The following AKAP1 variants were observed in gnomAD, a reference collection of about 807,000 sequenced individuals.
The protein encoded by AKAP1 is A-kinase anchoring protein 1.
A neutral mutation model predicts 79.8 loss-of-function variants in AKAP1; 32 were observed. The observed-to-expected ratio is 0.40, with a 90% CI of 0.30 to 0.54. The LOEUF (loss-of-function observed/expected upper bound fraction) is 0.54, where lower values mean the gene tolerates loss of function less well. AKAP1 is among the 20% of genes least tolerant of loss of function. The pLI is 0.47. For missense variants in AKAP1, 961 were observed against 1,138.9 expected (o/e 0.84, Z 2.25); for synonymous variants, 416 against 466.7 (o/e 0.89, Z 1.40).
Position 57,120,859 on chromosome 17 carries a change from A to C in AKAP1, c.*535A>C, listed in dbSNP as rs1193016083. 1 of 152,810 alleles carries C rather than the reference A, an allele frequency of 6.5e-6. No individual in the cohort carries two copies. The highest frequency in any genetic ancestry group is 1.5e-5 in the Non-Finnish European group (1 of 68,146). 9.5% of individuals were successfully genotyped at this position (152,810 alleles called of 1,614,324 possible). On this transcript the variant is annotated 3_prime_UTR_variant, in exon 11 of 11. Transcript: ENST00000337714. ...ATAAACTTCATTTAGGTCTCTAAAC[A>C]CAGACTTTTTAAATTGCAACTGTAA...
intron 1 of AKAP1, among the ~76,000 whole-genome samples, chr17:57,102,967 C>A (rs1330037480): frequency 6.6e-6 from 1 of 152,066 alleles, no homozygotes; most frequent in African/African-American, 2.4e-5. Flanking sequence ...GTAGACCCAG[C>A]TACTCTGGAG....
Position 57,114,342 on chromosome 17 carries a change from T to C in AKAP1, c.2104-117T>C, listed in dbSNP as rs934579264. On this transcript the variant is annotated intron_variant, in intron 5 of 10. Transcript: ENST00000337714. ...CTACCTTCTGGGTGCCATGTTGTCT[T>C]GAGTTGCCCTTTTCAAAGATATGCT... 7 of 1,277,964 alleles carry C rather than the reference T, an allele frequency of 5.5e-6. No individual in the cohort carries two copies. The African/African-American group carries it at 8.8e-5, about 16-fold the overall frequency. The allele number at this position is 1,277,964 out of a possible 1,614,324, so 79.2% of individuals were successfully genotyped here.
Position 57,118,440 on chromosome 17 carries a change from G to T in AKAP1, c.2560G>T (p.Ala854Ser). 6.2e-7 allele frequency: 1 copy of T among 1,614,084 alleles called. No individual in the cohort carries two copies. The highest frequency in any genetic ancestry group is 8.5e-7 in the Non-Finnish European group (1 of 1,179,956). The change falls in exon 9 of 11, where the codon GCA becomes TCA. Residue 854 changes from alanine to serine, a missense_variant. Physicochemically the swap from Ala to Ser is moderately conservative, Grantham distance 99. Transcript: ENST00000337714. ...CATGAGCGAGATGACGGGGAATACA[G>T]CACTGCTTGCTCAGGTGTGTGGTTG... ...AAMSEMTGNTALLAQVTSYSP... is the reference protein window; with the variant it reads ...AAMSEMTGNTSLLAQVTSYSP...
At chr17:57,090,463 C>T (rs1303049236) in intron 1 of AKAP1, among the ~76,000 whole-genome samples, 1 of 148,884 alleles carries the variant, frequency 6.7e-6, no homozygotes, top group African/African-American at 2.5e-5. Context: ...TGGGCTGGGG[C>T]GTGCTCCCCA....
chr17:57,118,607 T>C (rs896513643), intron 9 of AKAP1, among the ~76,000 whole-genome samples, 153 bp downstream of exon 9: 3 of 152,210 alleles, frequency 2.0e-5, no homozygotes, highest in African/African-American at 7.2e-5. Flanking sequence ...TAGTCTGTTC[T>C]CACATTGCTG....
chr17:57,114,696 G>A (rs1427592641), intron 6 of AKAP1, 60 bp downstream of exon 6: 1 of 1,499,248 alleles, frequency 6.7e-7, no homozygotes, highest in African/African-American at 1.4e-5. Context: ...TTCTGCCCTG[G>A]ATCCTGATCA....
chr17:57,115,564 A>G (rs1915530298), intron 6 of AKAP1, among the ~76,000 whole-genome samples: 1 of 152,102 alleles, frequency 6.6e-6, no homozygotes, highest in African/African-American at 2.4e-5. Context: ...TGACTCCTTG[A>G]TCCTGGGTGG....
intron 7 of AKAP1, among the ~76,000 whole-genome samples, chr17:57,116,553 C>A (rs1229758522): frequency 1.3e-5 from 2 of 152,158 alleles, no homozygotes; most frequent in Non-Finnish European, 2.9e-5. Flanking sequence ...CACTTGAGTG[C>A]AGGAGTTCAA....
intron 1 of AKAP1, 86 bp downstream of exon 1, chr17:57,085,484 G>C (rs1042781416): frequency 3.3e-5 from 5 of 152,246 alleles, no homozygotes; most frequent in African/African-American, 1.2e-4. Flanking sequence ...TGAGGTGCAG[G>C]TGCAGGGTGC....
At chr17:57,118,954 T>G in intron 9 of AKAP1, 28 bp from the exon 10 acceptor site, 1 of 1,610,464 alleles carries the variant, frequency 6.2e-7, no homozygotes, top group East Asian at 2.2e-5. Context: ...AACCTAACCA[T>G]ATTATTCTTT....
At chr17:57,113,897 T>C (rs1366668811) in intron 5 of AKAP1, among the ~76,000 whole-genome samples, 1 of 152,136 alleles carries the variant, frequency 6.6e-6, no homozygotes, top group Non-Finnish European at 1.5e-5. Flanking sequence ...ACCTTGACCA[T>C]GGACCTGACC....
Position 57,107,039 on chromosome 17 carries a change from G to A in AKAP1, c.1575G>A (p.Ser525=). The part of the protein sequence containing the change: ...GLEDSCTETS[S]SPRDKAITPP... Reference sequence around the variant, plus strand: ...AAGACTCTTGCACAGAGACCAGCTCGAGCCCCAGGGACAAGGCCATCACCC... The same window carrying A: ...AAGACTCTTGCACAGAGACCAGCTCAAGCCCCAGGGACAAGGCCATCACCC... Residue 525 remains serine, a synonymous_variant, in exon 2 of 11, where the codon TCG becomes TCA. Transcript: ENST00000337714. 3 of 1,614,090 alleles carry A rather than the reference G, an allele frequency of 1.9e-6. No homozygotes were observed. The highest frequency in any genetic ancestry group is 2.2e-5 in the East Asian group (1 of 44,876).
intron 3 of AKAP1, 36 bp downstream of exon 3, chr17:57,110,194 AG>A: frequency 6.2e-7 from 1 of 1,610,302 alleles, no homozygotes; most frequent in Non-Finnish European, 8.5e-7. Flanking sequence ...TTCTGTGGTA[AG>A]CCCAAAGCTC....
At chr17:57,102,551 T>G (rs1243181439) in intron 1 of AKAP1, among the ~76,000 whole-genome samples, 1 of 151,600 alleles carries the variant, frequency 6.6e-6, no homozygotes, top group African/African-American at 2.4e-5. Flanking sequence ...CTGCAACCTC[T>G]GCCTCCCGGG....
chr17:57,103,908 C>G (rs1914679732), intron 1 of AKAP1, among the ~76,000 whole-genome samples: 1 of 152,182 alleles, frequency 6.6e-6, no homozygotes, highest in Non-Finnish European at 1.5e-5. Context: ...CTTTACATGT[C>G]TGTTGCCTTC....
chr17:57,107,232 A>G, intron 2 of AKAP1, 54 bp downstream of exon 2: 2 of 1,532,440 alleles, frequency 1.3e-6, no homozygotes, highest in South Asian at 1.3e-5. Context: ...TATTTCTTGG[A>G]GAAAGGCTGC....
At chr17:57,109,740 C>T (rs1915117575) in intron 2 of AKAP1, among the ~76,000 whole-genome samples, 1 of 152,216 alleles carries the variant, frequency 6.6e-6, no homozygotes, top group Non-Finnish European at 1.5e-5. Context: ...CTTCCAAGTT[C>T]ACCACTTGTG....
intron 5 of AKAP1, 117 bp downstream of exon 5, chr17:57,112,735 C>G: frequency 7.2e-7 from 1 of 1,395,194 alleles, no homozygotes; most frequent in Non-Finnish European, 9.7e-7. Context: ...TGCCTGCGCC[C>G]TCTCTTCTCT....
intron 6 of AKAP1, among the ~76,000 whole-genome samples, 169 bp from the exon 7 acceptor site, chr17:57,115,942 C>T (rs1398895743): frequency 6.6e-6 from 1 of 152,128 alleles, no homozygotes; most frequent in Non-Finnish European, 1.5e-5. Context: ...CTCGGCTGGT[C>T]TTGGGCTTGG....
Sources: allele counts gnomAD v4.1 joint callset (sites outside exome capture counted in the v4.1 genomes callset), GRCh38; gene constraint gnomAD v4.1.1; transcripts MANE v1.5; gene names NCBI Gene and HGNC (gene_info 2026-07-23, HGNC 2026-07-21).